PSG1: variants seen among roughly 807,000 people sequenced by gnomAD.
PSG1 encodes pregnancy-specific beta-1-glycoprotein 1.
Under a neutral mutation model 41.4 loss-of-function variants are expected in PSG1, and 60 were observed. The observed-to-expected ratio is 1.45, with a 90% CI of 1.18 to 1.80. The LOEUF (loss-of-function observed/expected upper bound fraction) is 1.80, where lower values mean the gene tolerates loss of function less well. Among genes scored for constraint, PSG1 ranks in the 40% most tolerant of loss-of-function variants. PSG1 has a pLI of 0.00. For missense variants in PSG1, 806 were observed against 516.9 expected (o/e 1.56, Z -5.42); for synonymous variants, 256 against 192.9 (o/e 1.33, Z -2.71).
chr19:42,868,008 G>A, intron 5 of PSG1, 93 bp downstream of exon 5: 2 of 1,609,438 alleles, frequency 1.2e-6, no homozygotes, highest in African/African-American at 1.3e-5. Context: ...ATGGGACACA[G>A]GCTGGGAATA....
chr19:42,876,039 G>T (rs2122547911), intron 2 of PSG1, among the ~76,000 whole-genome samples: 1 of 151,450 alleles, frequency 6.6e-6, no homozygotes, highest in South Asian at 2.1e-4. Context: ...AACTCCAGAT[G>T]ATTTCTGTGC....
chr19:42,874,078 A>G (rs961911262), intron 2 of PSG1: 4 of 151,562 alleles, frequency 2.6e-5, no homozygotes, highest in Admixed American at 1.3e-4. Flanking sequence ...GTCAACTCCA[A>G]CTAGTCCCCA....
chr19:42,867,883 C>T, intron 5 of PSG1: 1 of 1,400,714 alleles, frequency 7.1e-7, no homozygotes, highest in Non-Finnish European at 9.7e-7. Context: ...AATGTTCTTC[C>T]TGCTTGGTCT....
intron 2 of PSG1, among the ~76,000 whole-genome samples, chr19:42,872,727 G>A (rs936328211): frequency 6.6e-6 from 1 of 151,640 alleles, no homozygotes; most frequent in Admixed American, 6.6e-5. Context: ...AAGGGGATAG[G>A]CAAGAGCTGA....
At chr19:42,878,775 C>T (rs1220304712) in intron 1 of PSG1, among the ~76,000 whole-genome samples, 34 of 150,386 alleles carry the variant, frequency 2.3e-4, no homozygotes, top group Non-Finnish European at 8.9e-5. Flanking sequence ...GCGTGAGCTC[C>T]GTGAAGACAG....
rs140130395 is a variant in PSG1 at position 42,868,903 on chromosome 19, G to A, written c.841C>T (p.Pro281Ser). The A allele has an allele frequency of 3.6e-5, 58 of 1,610,538 alleles. 3 individuals carry two copies. Among genetic ancestry groups the A allele is most frequent in the Admixed American group, 6.7e-5 (4 of 59,864 alleles). ...GGTCGCTTTACCCTGGGACTGACCG[G>A]GAGGCTCTGACCATTTAGCCACCAA... Reference protein sequence around the residue: ...YIWWLNGQSLPVSPRVKRPIE... With the variant: ...YIWWLNGQSLSVSPRVKRPIE... Residue 281 changes from proline (P) to serine (S), a missense_variant, in exon 4 of 6, where the codon CCG becomes TCG. Transcript: ENST00000436291.
intron 3 of PSG1, chr19:42,870,248 G>T (rs576722466): frequency 1.8e-4 from 28 of 151,884 alleles, no homozygotes; most frequent in African/African-American, 3.1e-4. Context: ...GACATTTTTT[G>T]ATTCTGAAAT....
At position 42,877,903 on chromosome 19, in the gene PSG1, A is replaced by T; in HGVS notation, c.430+10T>A. ...CCCCCAACACCCAGGGATCATGTGG[A>T]ATCACTTACGGTGTAAGGTGAAGGT... On this transcript the variant is annotated intron_variant, in intron 2 of 5. Transcript: ENST00000436291. 1 of 1,611,982 alleles carries T rather than the reference A, an allele frequency of 6.2e-7. No homozygotes were observed. The highest frequency in any genetic ancestry group is 8.5e-7 in the Non-Finnish European group (1 of 1,178,902).
chr19:42,875,154 G>A (rs1340330102), intron 2 of PSG1, among the ~76,000 whole-genome samples: 1 of 151,776 alleles, frequency 6.6e-6, no homozygotes, highest in Non-Finnish European at 1.5e-5. Context: ...CTGGCATCTA[G>A]TCTCAGGCTG....
chr19:42,868,948 T>A lies in PSG1; in HGVS notation c.796A>T (p.Ser266Cys). 6.2e-7 allele frequency: 1 copy of A among 1,610,636 alleles called. No homozygotes were observed. Residue 266 changes from serine to cysteine, a missense_variant, in exon 4 of 6, where the codon AGT (serine) becomes TGT (cysteine). Coordinates refer to ENST00000436291, the MANE Select transcript of PSG1 (RefSeq NM_001184825.2). ...DVLNFTCEPK[S>C]ENYTYIWWLN... ...CACCAAATGTAGGTGTAGTTCTCAC[T>A]CTTAGGTTCACAGGTGAAGTTTAAG...
chr19:42,868,614 C>A, intron 4 of PSG1, 142 bp downstream of exon 4: 1 of 1,514,684 alleles, frequency 6.6e-7, no homozygotes, highest in Non-Finnish European at 8.8e-7. Context: ...CAGGATTTCC[C>A]AGGGCAGGGA....
intron 5 of PSG1, 175 bp downstream of exon 5, chr19:42,867,926 T>G: frequency 6.5e-7 from 1 of 1,537,540 alleles, no homozygotes; most frequent in East Asian, 2.3e-5. Flanking sequence ...ATCAGCCTGT[T>G]TGTTAAAGTT....
chr19:42,878,897 G>A (rs1009256101), intron 1 of PSG1, among the ~76,000 whole-genome samples: 6 of 151,462 alleles, frequency 4.0e-5, no homozygotes, highest in African/African-American at 9.7e-5. Flanking sequence ...TCCCCCAATT[G>A]TTGAGGTTTC....
chr19:42,867,825 A>G, intron 5 of PSG1: 3 of 1,306,676 alleles, frequency 2.3e-6, no homozygotes, highest in South Asian at 1.4e-5. Context: ...TTCAAATAAA[A>G]ATCATAAAAA....
chr19:42,869,061 T>G, intron 3 of PSG1, 27 bp from the exon 4 acceptor site: 2 of 1,598,590 alleles, frequency 1.3e-6, no homozygotes, highest in Non-Finnish European at 1.7e-6. Context: ...GAGAAGATTG[T>G]CCTGTGTGGC....
chr19:42,868,725 C>T (rs199797898), intron 4 of PSG1, 31 bp downstream of exon 4: 50 of 1,608,842 alleles, frequency 3.1e-5, no homozygotes, highest in Middle Eastern at 1.7e-4. Context: ...AAGCTGGTGT[C>T]CTGGCCCACA....
Position 42,868,653 on chromosome 19 carries a change from A to G in PSG1, c.988+103T>C, listed in dbSNP as rs753557359. ...ATGGCCAGCTCCGATGTCCAGAAGT[A>G]AAGGTGTCTATACTTGGACCGGAGA... On this transcript the variant is annotated intron_variant, in intron 4 of 5. Transcript: ENST00000436291. 399 of 1,566,888 alleles carry G rather than the reference A, an allele frequency of 2.5e-4. 10 individuals are homozygous for G. Among genetic ancestry groups the G allele is most frequent in the African/African-American group, 3.9e-4 (29 of 73,464 alleles).
In PSG1 at chr19:42,868,982, A is replaced by C. The variant is rs149156072; in HGVS notation, c.762T>G (p.Asn254Lys). Reference sequence around the variant, plus strand: ...CACAGGTGAAGTTTAAGACATCCTTATTCTCCCTGGGGTTTAAGTTGTTGA... The same window carrying C: ...CACAGGTGAAGTTTAAGACATCCTTCTTCTCCCTGGGGTTTAAGTTGTTGA... ...ITINNLNPRE[N>K]KDVLNFTCEP... Residue 254 changes from asparagine to lysine, a missense_variant, in exon 4 of 6, where the codon AAT (asparagine) becomes AAG (lysine). By Grantham distance (94) the Asn-to-Lys change is moderately conservative (BLOSUM62 0). Coordinates refer to ENST00000436291, the MANE Select transcript of PSG1 (RefSeq NM_001184825.2). 2.4e-4 allele frequency: 384 copies of C among 1,610,516 alleles called. 15 individuals carry two copies. The South Asian group carries it at 2.6e-3, about 11-fold the overall frequency.
chr19:42,868,508 A>G (rs915305368), intron 4 of PSG1, among the ~76,000 whole-genome samples, 153 bp from the exon 5 acceptor site: 4 of 151,516 alleles, frequency 2.6e-5, no homozygotes, highest in Non-Finnish European at 5.9e-5. Flanking sequence ...ATCCTGAGGT[A>G]TTCCCCTGTT....
Sources: gnomAD v4.1 joint callset for allele counts (sites outside exome capture counted in the v4.1 genomes callset) on GRCh38, gnomAD v4.1.1 for gene constraint, MANE v1.5 for transcripts, NCBI Gene and HGNC (gene_info 2026-07-23, HGNC 2026-07-21) for gene names.